The following PDE10A variants were observed in gnomAD, a reference collection of about 807,000 sequenced individuals.
PDE10A encodes the protein phosphodiesterase 10A.
In PDE10A, 39 loss-of-function variants were observed where a neutral mutation model predicts 97.7. That is an observed-to-expected ratio of 0.40 (90% CI 0.31 to 0.52). The LOEUF (loss-of-function observed/expected upper bound fraction) is 0.52. Ranked by LOEUF, PDE10A falls within the 20% of genes least tolerant of loss-of-function variation. The pLI is 0.56. For synonymous variants in PDE10A, 371 were observed against 376.8 expected (o/e 0.98, Z 0.18); for missense variants, 731 against 1,047.8 (o/e 0.70, Z 4.17).
chr6:165,858,610 C>G (rs1017801209), intron 1 of PDE10A, among the ~76,000 whole-genome samples: 1 of 152,214 alleles, frequency 6.6e-6, no homozygotes, highest in Non-Finnish European at 1.5e-5. Context: ...AGGTATCCAC[C>G]TCATCTGATG....
chr6:165,336,084 T>C, intron 21 of PDE10A, 39 bp downstream of exon 21: 2 of 1,444,426 alleles, frequency 1.4e-6, no homozygotes, highest in Non-Finnish European at 1.9e-6. Context: ...TCAGTGTTGT[T>C]GGAAACAATA....
chr6:165,736,268 T>C lies in PDE10A; in HGVS notation c.-614-192700A>G, dbSNP rs138389607. Among the ~76,000 whole-genome samples the C allele has an allele frequency of 3.0e-3, 453 of 152,324 alleles. 3 individuals carry two copies. The highest frequency in any genetic ancestry group is 0.01 in the African/African-American group (435 of 41,566). On this transcript the variant is annotated intron_variant, in intron 1 of 19. Coordinates refer to the PDE10A transcript ENST00000366882. ...AGAATAGGAGTCTCTAGTCCCCTCA[T>C]AGATACATCCATTTGAACAACCATC...
chr6:165,666,122 C>A (rs563576670), upstream of PDE10A, among the ~76,000 whole-genome samples: 12 of 152,066 alleles, frequency 7.9e-5, no homozygotes, highest in African/African-American at 9.7e-5. Context: ...TTTTAATAAC[C>A]TAAGAGCTAG....
At chr6:165,943,234 A>AGAAAGAAGGAAG (rs1783618763) in intron 1 of PDE10A, among the ~76,000 whole-genome samples, 15 of 34,044 alleles carry the variant, frequency 4.4e-4, no homozygotes, top group African/African-American at 6.6e-4. Context: ...AAAGAAAGAA[A>AGAAAGAAGGAAG]GAAGGAAGGA....
At chr6:165,770,994 C>T (rs71571421) in intron 1 of PDE10A, among the ~76,000 whole-genome samples, 6,158 of 152,268 alleles carry the variant, frequency 0.04, 183 homozygotes, top group Non-Finnish European at 0.062. Context: ...CCCGGTGGGA[C>T]GGAGCTCCAT....
intron 17 of PDE10A, among the ~76,000 whole-genome samples, chr6:165,382,929 C>A (rs1463353354): frequency 6.6e-6 from 1 of 152,082 alleles, no homozygotes; most frequent in Non-Finnish European, 1.5e-5. Flanking sequence ...TTTTAGATTA[C>A]CAGTACAGGT....
chr6:165,389,767 C>A (rs1785553459), intron 16 of PDE10A, among the ~76,000 whole-genome samples: 1 of 152,170 alleles, frequency 6.6e-6, no homozygotes, highest in African/African-American at 2.4e-5. Flanking sequence ...ACTGGCTGAG[C>A]TCACCAAGGT....
intron 1 of PDE10A, among the ~76,000 whole-genome samples, chr6:165,904,554 A>G (rs948353208): frequency 1.4e-4 from 21 of 152,166 alleles, no homozygotes; most frequent in African/African-American, 4.8e-4. Flanking sequence ...TTTATGGTAC[A>G]ATTTTTTTCC....
At chr6:165,587,166 C>A (rs939056965) in intron 1 of PDE10A, among the ~76,000 whole-genome samples, 3 of 152,028 alleles carry the variant, frequency 2.0e-5, no homozygotes, top group Admixed American at 6.6e-5. Context: ...TTGTTCTCAT[C>A]GTATCACCTG....
intron 1 of PDE10A, among the ~76,000 whole-genome samples, chr6:165,748,013 G>A (rs1408376740): frequency 6.6e-6 from 1 of 152,102 alleles, no homozygotes; most frequent in Admixed American, 6.5e-5. Flanking sequence ...GCCCCAATTG[G>A]TGCTCACTGA....
intron 3 of PDE10A, among the ~76,000 whole-genome samples, chr6:165,467,888 T>C (rs1279508282): frequency 2.0e-5 from 3 of 152,214 alleles, no homozygotes; most frequent in Non-Finnish European, 4.4e-5. Flanking sequence ...AAGAGTCGGC[T>C]GATGTGGCAA....
At chr6:165,820,479 T>G (rs1779537200) in intron 1 of PDE10A, among the ~76,000 whole-genome samples, 1 of 152,222 alleles carries the variant, frequency 6.6e-6, no homozygotes, top group Non-Finnish European at 1.5e-5. Context: ...AATCTGTAAT[T>G]AAATGTGAAC....
intron 1 of PDE10A, among the ~76,000 whole-genome samples, chr6:165,618,006 G>T (rs1787806728): frequency 6.6e-6 from 1 of 152,088 alleles, no homozygotes; most frequent in Admixed American, 6.6e-5. Context: ...AAACCAGCCT[G>T]GGCAACATAG....
At chr6:165,407,076 A>G (rs1339775612) in intron 13 of PDE10A, among the ~76,000 whole-genome samples, 1 of 152,140 alleles carries the variant, frequency 6.6e-6, no homozygotes, top group East Asian at 1.9e-4. Flanking sequence ...TTCCATAATC[A>G]TATGAACCAA....
At chr6:165,815,388 C>T (rs1238111839) in intron 1 of PDE10A, among the ~76,000 whole-genome samples, 1 of 152,130 alleles carries the variant, frequency 6.6e-6, no homozygotes, top group Non-Finnish European at 1.5e-5. Context: ...CAGTTTAGTT[C>T]CTGATTAACC....
chr6:165,477,317 CCAAG>C (rs34274920), intron 3 of PDE10A, among the ~76,000 whole-genome samples: 96,791 of 151,550 alleles, frequency 0.64, 31,043 homozygotes, highest in Admixed American at 0.71. Context: ...TCCCAGTGAG[CCAAG>C]CTTGCCTGGT....
intron 5 of PDE10A, among the ~76,000 whole-genome samples, chr6:165,436,695 T>C (rs1790044293): frequency 6.6e-6 from 1 of 152,150 alleles, no homozygotes; most frequent in African/African-American, 2.4e-5. Flanking sequence ...TATACACTTA[T>C]GGATTAAAAA....
Position 165,661,639 on chromosome 6 carries a change from G to A in PDE10A, c.865+308C>T, listed in dbSNP as rs1390855208. The A allele has an allele frequency of 5.4e-6, 2 of 367,062 alleles. No individual in the cohort carries two copies. 22.7% of individuals were successfully genotyped at this position (367,062 alleles called of 1,614,324 possible). On this transcript the variant is annotated intron_variant, in intron 1 of 21. Coordinates refer to ENST00000539869, the MANE Select transcript of PDE10A (RefSeq NM_001385079.1). The surrounding 1 kb of genome is among the most constrained non-coding windows in gnomAD (Gnocchi z 4.8). ...GGACAAGTGTGGCCAGAAACGGCAC[G>A]AGGGGCGGAGAAGGAGGCGGCAGGT... is the stretch of plus-strand genomic sequence containing the variant.
intron 1 of PDE10A, among the ~76,000 whole-genome samples, chr6:165,689,698 G>A (rs1009040279): frequency 3.3e-5 from 5 of 152,194 alleles, no homozygotes; most frequent in South Asian, 2.1e-4. Context: ...CACCAGAAGC[G>A]GATGCTGGTG....
Sources: allele counts gnomAD v4.1 joint callset (sites outside exome capture counted in the v4.1 genomes callset), GRCh38; gene constraint gnomAD v4.1.1; non-coding constraint Gnocchi (gnomAD v3.1); transcripts MANE v1.5; gene names NCBI Gene and HGNC (gene_info 2026-07-23, HGNC 2026-07-21).